TASP1: variants seen among roughly 807,000 people sequenced by gnomAD.
The protein encoded by TASP1 is taspase 1, also known as threonine aspartase 1.
A neutral mutation model predicts 56.6 loss-of-function variants in TASP1; 16 were observed. That is an observed-to-expected ratio of 0.28 (90% CI 0.19 to 0.43). The LOEUF (loss-of-function observed/expected upper bound fraction) is 0.43. Among genes scored for constraint, TASP1 ranks in the 20% least tolerant of loss-of-function variants. TASP1 has a pLI of 1.00. For synonymous variants in TASP1, 179 were observed against 184.2 expected, an observed-to-expected ratio of 0.97 and a Z score of 0.23; for missense variants, 393 against 511.6, an observed-to-expected ratio of 0.77 and a Z score of 2.24.
the TASP1 span, among the ~76,000 whole-genome samples, chr20:13,242,989 C>T: frequency 6.6e-6 from 1 of 152,194 alleles, no homozygotes; most frequent in African/African-American, 2.4e-5. Flanking sequence ...TTGTTATCCT[C>T]ATTTTACACA....
intron 4 of TASP1, among the ~76,000 whole-genome samples, chr20:13,618,813 A>C (rs1364256033): frequency 6.6e-6 from 1 of 152,184 alleles, no homozygotes; most frequent in African/African-American, 2.4e-5. Flanking sequence ...TTTTTAACAA[A>C]GGAACCTGTA....
the TASP1 span, among the ~76,000 whole-genome samples, chr20:13,244,991 G>T: frequency 6.6e-6 from 1 of 152,182 alleles, no homozygotes; most frequent in Admixed American, 6.5e-5. Context: ...TTTATAAAAT[G>T]TTCCTAAAGT....
chr20:13,149,757 G>A, the TASP1 span, among the ~76,000 whole-genome samples: 7 of 152,354 alleles, frequency 4.6e-5, no homozygotes, highest in East Asian at 1.3e-3. Context: ...TCTGGAAGCA[G>A]GGAAATGGTG....
At chr20:13,467,963 G>A (rs933137589) in intron 11 of TASP1, among the ~76,000 whole-genome samples, 26 of 151,658 alleles carry the variant, frequency 1.7e-4, no homozygotes, top group Non-Finnish European at 2.9e-4. Context: ...GTTCAGTGAG[G>A]CGAGGTTGCA....
chr20:13,543,630 G>A (rs187840229), intron 8 of TASP1, among the ~76,000 whole-genome samples: 37 of 152,118 alleles, frequency 2.4e-4, no homozygotes, highest in African/African-American at 6.3e-4. Context: ...ATCACTTCCC[G>A]ACCAAACAGG....
chr20:13,590,138 A>G (rs1279354198), intron 4 of TASP1, among the ~76,000 whole-genome samples: 1 of 152,184 alleles, frequency 6.6e-6, no homozygotes, highest in African/African-American at 2.4e-5. Flanking sequence ...AGGCTGAGGC[A>G]CGAGAATCGC....
the TASP1 span, among the ~76,000 whole-genome samples, chr20:13,186,009 G>A: frequency 1.3e-5 from 2 of 152,176 alleles, no homozygotes; most frequent in African/African-American, 4.8e-5. Flanking sequence ...TCACAGTTAA[G>A]ATCTACTTAC....
At chr20:13,316,918 C>T in the TASP1 span, among the ~76,000 whole-genome samples, 1 of 151,596 alleles carries the variant, frequency 6.6e-6, no homozygotes, top group African/African-American at 2.4e-5. Context: ...CAACATCATA[C>T]TACAAGTCCT....
At chr20:13,431,359 A>T (rs1280328837) in intron 12 of TASP1, among the ~76,000 whole-genome samples, 1 of 152,178 alleles carries the variant, frequency 6.6e-6, no homozygotes, top group Non-Finnish European at 1.5e-5. Context: ...CTTGATCTTG[A>T]TGACTGAAAT....
chr20:13,385,203 T>G (rs565431560), downstream of TASP1, among the ~76,000 whole-genome samples: 54 of 152,236 alleles, frequency 3.5e-4, no homozygotes, highest in Non-Finnish European at 7.2e-4. Flanking sequence ...GCAAATTTCT[T>G]AAAGTCATGA....
chr20:13,547,859 C>T (rs1184502884), intron 8 of TASP1, among the ~76,000 whole-genome samples: 2 of 152,098 alleles, frequency 1.3e-5, no homozygotes, highest in Non-Finnish European at 2.9e-5. Flanking sequence ...ATATGTCAAG[C>T]TGAGAAACCA....
chr20:13,373,701 T>C, the TASP1 span, among the ~76,000 whole-genome samples: 7 of 152,260 alleles, frequency 4.6e-5, no homozygotes, highest in East Asian at 1.4e-3. Context: ...TGAATTTCAG[T>C]ATTTTTTCTA....
At chr20:13,488,641 T>C (rs2043413270) in intron 10 of TASP1, among the ~76,000 whole-genome samples, 1 of 152,192 alleles carries the variant, frequency 6.6e-6, no homozygotes, top group South Asian at 2.1e-4. Context: ...CCCGATATCT[T>C]GGCTTTTGCT....
At chr20:13,335,125 C>T in the TASP1 span, among the ~76,000 whole-genome samples, 1 of 152,188 alleles carries the variant, frequency 6.6e-6, no homozygotes, top group Admixed American at 6.5e-5. Context: ...CCCATTAAGT[C>T]TCCTCTCTCA....
the TASP1 span, among the ~76,000 whole-genome samples, chr20:13,286,528 A>T: frequency 3.3e-5 from 5 of 152,154 alleles, no homozygotes; most frequent in Non-Finnish European, 7.3e-5. Flanking sequence ...TTAGGAGAAA[A>T]ATCAAAGTTC....
chr20:13,511,030 T>A (rs1275777804), intron 10 of TASP1, among the ~76,000 whole-genome samples: 1 of 152,144 alleles, frequency 6.6e-6, no homozygotes, highest in Non-Finnish European at 1.5e-5. Flanking sequence ...CATACGCATG[T>A]CCTGTACTCA....
At chr20:13,478,087 A>C (rs2043005247) in intron 11 of TASP1, among the ~76,000 whole-genome samples, 1 of 152,166 alleles carries the variant, frequency 6.6e-6, no homozygotes. Flanking sequence ...TTATTTTAGT[A>C]AGTTACTAGC....
chr20:13,539,296 G>C (rs1488821708), intron 8 of TASP1, among the ~76,000 whole-genome samples: 1 of 151,936 alleles, frequency 6.6e-6, no homozygotes, highest in Non-Finnish European at 1.5e-5. Context: ...ATACAAATTG[G>C]TACCAAATAT....
the TASP1 span, among the ~76,000 whole-genome samples, chr20:13,161,164 G>A: frequency 1.3e-5 from 2 of 152,344 alleles, no homozygotes; most frequent in Admixed American, 1.3e-4. Context: ...ATTGGATGTG[G>A]TGCATATGTG....
Sources: gnomAD v4.1 joint callset for allele counts (sites outside exome capture counted in the v4.1 genomes callset) on GRCh38, gnomAD v4.1.1 for gene constraint, MANE v1.5 for transcripts, NCBI Gene and HGNC (gene_info 2026-07-23, HGNC 2026-07-21) for gene names.